Variants in ELOVL2 observed in about 807,000 individuals in gnomAD.
ELOVL2 encodes ELOVL fatty acid elongase 2.
In ELOVL2, 38 loss-of-function variants were observed where a neutral mutation model predicts 37.7. The ratio of observed to expected loss-of-function variants is 1.01; its 90% CI spans 0.78 to 1.32. ELOVL2 has a LOEUF of 1.32. Among genes scored for constraint, ELOVL2 ranks in the 40% most tolerant of loss-of-function variants. The pLI, the probability that ELOVL2 is intolerant of heterozygous loss-of-function variation, is 0.00. For synonymous variants in ELOVL2, 115 were observed against 122.3 expected (o/e 0.94, Z 0.40); for missense variants, 352 against 363.6 (o/e 0.97, Z 0.26).
chr6:11,008,079 C>T (rs141628689), intron 2 of ELOVL2, among the ~76,000 whole-genome samples: 214 of 152,060 alleles, frequency 1.4e-3, no homozygotes, highest in Non-Finnish European at 2.3e-3. Flanking sequence ...ATGGTGTGGG[C>T]AAAATCAGAA....
chr6:11,014,033 T>C (rs927816779), intron 1 of ELOVL2, among the ~76,000 whole-genome samples: 1 of 152,186 alleles, frequency 6.6e-6, no homozygotes, highest in Admixed American at 6.6e-5. Context: ...AAAGTCTGTG[T>C]TCAATGACTT....
chr6:11,022,230 G>C (rs1782774815), intron 1 of ELOVL2, among the ~76,000 whole-genome samples: 1 of 152,222 alleles, frequency 6.6e-6, no homozygotes, highest in South Asian at 2.1e-4. Context: ...CAAGCCTCCT[G>C]TGTCAGAAGT....
At chr6:10,988,886 T>C (rs1378144613) in intron 7 of ELOVL2, among the ~76,000 whole-genome samples, 1 of 152,218 alleles carries the variant, frequency 6.6e-6, no homozygotes, top group African/African-American at 2.4e-5. Context: ...AAAATGACAC[T>C]GGATAAAGAC....
In ELOVL2 at chr6:11,044,227, C is replaced by A; in HGVS notation, c.3+1G>T. The A allele has an allele frequency of 7.1e-7, 1 of 1,402,300 alleles. No individual in the cohort carries two copies. Among genetic ancestry groups the A allele is most frequent in the Non-Finnish European group, 9.3e-7 (1 of 1,076,248 alleles). 86.9% of individuals were successfully genotyped at this position (1,402,300 alleles called of 1,614,324 possible). Reference sequence around the variant, plus strand: ...CGGTGGCGGCGCGCGGCCCCACTCACCATGATCCGCAGCGGCTGTGGCGCG... The same window carrying A: ...CGGTGGCGGCGCGCGGCCCCACTCAACATGATCCGCAGCGGCTGTGGCGCG... On this transcript the variant is annotated splice_donor_variant, in intron 1 of 7. Transcript: ENST00000354666. LOFTEE classifies it high-confidence loss of function. This position sits in a 1 kb window ranked among gnomAD's most constrained non-coding sequence, Gnocchi z 5.6.
At chr6:10,994,564 C>A (rs1444576071) in intron 5 of ELOVL2, among the ~76,000 whole-genome samples, 4 of 151,662 alleles carry the variant, frequency 2.6e-5, no homozygotes, top group African/African-American at 9.7e-5. Context: ...AATGGAAAAT[C>A]TGGTAGGTCC....
intron 1 of ELOVL2, among the ~76,000 whole-genome samples, chr6:11,039,950 A>C (rs3798721): frequency 0.31 from 46,732 of 151,962 alleles, 8,132 homozygotes; most frequent in African/African-American, 0.47. Flanking sequence ...AGAGATATAC[A>C]TTTTCCAAGA....
chr6:11,035,134 T>C (rs1782987126), intron 1 of ELOVL2, among the ~76,000 whole-genome samples: 1 of 152,202 alleles, frequency 6.6e-6, no homozygotes, highest in South Asian at 2.1e-4. Flanking sequence ...TATATTTGTG[T>C]TACTACTTTC....
At chr6:10,995,221 G>GCACCAGGAACACTGCCAT in intron 4 of ELOVL2, 43 bp from the exon 5 acceptor site, 1 of 1,451,136 alleles carries the variant, frequency 6.9e-7, no homozygotes, top group Non-Finnish European at 9.5e-7. Flanking sequence ...AGAAATGGCA[G>GCACCAGGAACACTGCCAT]TGTTCCTGGT....
At chr6:10,997,410 TGTC>T (rs1012902100) in intron 4 of ELOVL2, among the ~76,000 whole-genome samples, 5 of 152,192 alleles carry the variant, frequency 3.3e-5, no homozygotes, top group African/African-American at 1.2e-4. Context: ...GTCTCAAAAA[TGTC>T]GTTGTTTTCC....
At chr6:10,984,022 G>GT in intron 7 of ELOVL2, 116 bp from the exon 8 acceptor site, 1 of 1,040,592 alleles carries the variant, frequency 9.6e-7, no homozygotes, top group Non-Finnish European at 1.4e-6. Context: ...AGGATTTTCT[G>GT]TTTTTGTCTT....
chr6:10,988,296 G>A (rs1782085217), intron 7 of ELOVL2, among the ~76,000 whole-genome samples: 1 of 152,252 alleles, frequency 6.6e-6, no homozygotes, highest in South Asian at 2.1e-4. Flanking sequence ...TGTGTGTGGT[G>A]GTTCACACCT....
chr6:10,989,888 C>A (rs373629160), intron 6 of ELOVL2, 51 bp from the exon 7 acceptor site: 9 of 1,608,594 alleles, frequency 5.6e-6, no homozygotes, highest in East Asian at 2.2e-5. Flanking sequence ...CTGTGCCACA[C>A]AGACACTGCG....
intron 1 of ELOVL2, among the ~76,000 whole-genome samples, chr6:11,020,832 T>C (rs1782755970): frequency 6.6e-6 from 1 of 152,214 alleles, no homozygotes; most frequent in African/African-American, 2.4e-5. Context: ...AACTCATTAT[T>C]TTTATCATTA....
chr6:10,997,838 A>G (rs535773841), intron 4 of ELOVL2, among the ~76,000 whole-genome samples: 1 of 152,254 alleles, frequency 6.6e-6, no homozygotes, highest in Admixed American at 6.5e-5. Flanking sequence ...GTCATTATGA[A>G]GTTTCTATTC....
intron 4 of ELOVL2, 65 bp downstream of exon 4, chr6:11,000,022 G>C: frequency 6.9e-7 from 1 of 1,458,656 alleles, no homozygotes; most frequent in South Asian, 1.1e-5. Flanking sequence ...TCTGGAAGGA[G>C]AAAACCTCCT....
intron 1 of ELOVL2, among the ~76,000 whole-genome samples, chr6:11,016,931 T>C (rs925131647): frequency 6.7e-6 from 1 of 148,836 alleles, no homozygotes; most frequent in Non-Finnish European, 1.5e-5. Context: ...AACTGCCTTT[T>C]CAGGGCCTAT....
chr6:11,042,835 T>C (rs1783122619), intron 1 of ELOVL2, among the ~76,000 whole-genome samples: 2 of 152,146 alleles, frequency 1.3e-5, no homozygotes, highest in African/African-American at 2.4e-5. Context: ...CAGCTTGCTT[T>C]ATTGGGTTAA....
At chr6:11,042,855 G>A (rs1192542773) in intron 1 of ELOVL2, among the ~76,000 whole-genome samples, 1 of 152,142 alleles carries the variant, frequency 6.6e-6, no homozygotes, top group East Asian at 1.9e-4. Context: ...ATTCAAAAGA[G>A]TTATCAAGTA....
At chr6:11,007,275 A>G (rs1281331152) in intron 2 of ELOVL2, among the ~76,000 whole-genome samples, 1 of 152,250 alleles carries the variant, frequency 6.6e-6, no homozygotes, top group Non-Finnish European at 1.5e-5. Flanking sequence ...TGTGAATGTG[A>G]CATTATTTGA....
Sources: gnomAD v4.1 joint callset for allele counts (sites outside exome capture counted in the v4.1 genomes callset) on GRCh38, gnomAD v4.1.1 for gene constraint, Gnocchi (gnomAD v3.1) non-coding constraint, MANE v1.5 for transcripts, NCBI Gene and HGNC (gene_info 2026-07-23, HGNC 2026-07-21) for gene names.